Variants in EEPD1 observed in about 807,000 individuals in gnomAD.
EEPD1 encodes the protein endonuclease/exonuclease/phosphatase family domain containing 1.
Under a neutral mutation model 46.3 loss-of-function variants are expected in EEPD1, and 17 were observed. The observed-to-expected ratio is 0.37, with a 90% confidence interval of 0.25 to 0.55. The LOEUF is 0.55. Ranked by LOEUF, EEPD1 falls within the 20% of genes least tolerant of loss-of-function variation. The pLI, the probability that EEPD1 is intolerant of heterozygous loss-of-function variation, is 0.83. For missense variants in EEPD1, 673 were observed against 745.6 expected, an observed-to-expected ratio of 0.90 and a Z score of 1.13; for synonymous variants, 313 against 315.6, an observed-to-expected ratio of 0.99 and a Z score of 0.09.
At chr7:36,199,781 G>T (rs2115700242) in intron 2 of EEPD1, among the ~76,000 whole-genome samples, 2 of 152,204 alleles carry the variant, frequency 1.3e-5, no homozygotes, top group East Asian at 3.9e-4. Flanking sequence ...GGGAGGTGGG[G>T]AGTGCTTCCC....
intron 2 of EEPD1, among the ~76,000 whole-genome samples, chr7:36,171,442 A>C (rs967902911): frequency 2.6e-5 from 4 of 152,244 alleles, no homozygotes; most frequent in African/African-American, 9.6e-5. Context: ...CTCCAGCAGT[A>C]AGTCAGACTT....
At chr7:36,173,604 C>T (rs1785127547) in intron 2 of EEPD1, among the ~76,000 whole-genome samples, 1 of 152,160 alleles carries the variant, frequency 6.6e-6, no homozygotes, top group Admixed American at 6.5e-5. Context: ...TTTCCTGAGG[C>T]CTCCCCAGCC....
At chr7:36,163,920 G>C (rs973217055) in intron 2 of EEPD1, among the ~76,000 whole-genome samples, 5 of 150,554 alleles carry the variant, frequency 3.3e-5, no homozygotes, top group Admixed American at 6.6e-5. Context: ...GTTCAGTAAT[G>C]CTTCTCAGAG....
intron 4 of EEPD1, among the ~76,000 whole-genome samples, chr7:36,284,391 A>T (rs1472390852): frequency 1.3e-5 from 2 of 152,184 alleles, no homozygotes; most frequent in Non-Finnish European, 2.9e-5. Flanking sequence ...GGATGTGATG[A>T]TTCTGAAGAT....
chr7:36,169,552 A>G (rs766393982), intron 2 of EEPD1, among the ~76,000 whole-genome samples: 50 of 152,312 alleles, frequency 3.3e-4, no homozygotes, highest in Non-Finnish European at 6.0e-4. Context: ...ATGTCTATTC[A>G]GATCTGTGTG....
chr7:36,293,947 G>C (rs1787485442), intron 6 of EEPD1, among the ~76,000 whole-genome samples: 1 of 151,222 alleles, frequency 6.6e-6, no homozygotes, highest in Non-Finnish European at 1.5e-5. Context: ...CTGGGCGACA[G>C]AGTGAGACTC....
intron 2 of EEPD1, among the ~76,000 whole-genome samples, chr7:36,227,050 T>C (rs912921124): frequency 1.1e-4 from 16 of 151,676 alleles, no homozygotes; most frequent in African/African-American, 3.9e-4. Context: ...TGAGAAAAAA[T>C]ATCTACCCAT....
At position 36,295,200 on chromosome 7, in the gene EEPD1, G is replaced by A. The variant is rs148579913; in HGVS notation, c.1316-1793G>A. Among the ~76,000 whole-genome samples the A allele has an allele frequency of 4.6e-5, 7 of 151,488 alleles. No individual in the cohort carries two copies. In the East Asian group the frequency reaches 1.4e-3, roughly 29 times the overall value. On this transcript the variant is annotated intron_variant, in intron 6 of 7. Coordinates refer to ENST00000242108, the MANE Select transcript of EEPD1 (RefSeq NM_030636.3). ...TCAAAAAGAAAAAAAGAAAAAATAT[G>A]TATATACAGCATGATCTTGGAGCAT...
At chr7:36,212,985 T>C (rs1029582717) in intron 2 of EEPD1, among the ~76,000 whole-genome samples, 4 of 152,072 alleles carry the variant, frequency 2.6e-5, no homozygotes, top group Non-Finnish European at 5.9e-5. Flanking sequence ...AAACCCTGTC[T>C]CTACTAAAAA....
intron 2 of EEPD1, 147 bp from the exon 3 acceptor site, chr7:36,238,838 A>G: frequency 1.5e-6 from 1 of 670,836 alleles, no homozygotes; most frequent in Non-Finnish European, 2.4e-6. Context: ...GGTCATTTTG[A>G]TTTAAATAAA....
intron 2 of EEPD1, among the ~76,000 whole-genome samples, chr7:36,205,359 T>C (rs1014619111): frequency 6.6e-6 from 1 of 152,228 alleles, no homozygotes; most frequent in Admixed American, 6.5e-5. Flanking sequence ...AGACAAACAA[T>C]GTAAGGAAAC....
In EEPD1 at chr7:36,154,367, CCCTCGGA is replaced by C; in HGVS notation, c.47_53del (p.Ser16CysfsTer17). 6.2e-7 allele frequency: 1 copy of C among 1,613,392 alleles called. No homozygotes were observed. ...CTGCCACCGCTCCATCCCCAGGGAC[CCCTCGGA>C]CCTGTCCCATAGCCGCAAGTTCAGC... On this transcript the variant is annotated frameshift_variant, in exon 2 of 8. Transcript: ENST00000242108. LOFTEE classifies it high-confidence loss of function. The surrounding 1 kb of genome is among the most constrained non-coding windows in gnomAD (Gnocchi z 4.2).
At chr7:36,266,006 C>T (rs918418233) in intron 3 of EEPD1, among the ~76,000 whole-genome samples, 1 of 152,164 alleles carries the variant, frequency 6.6e-6, no homozygotes, top group Non-Finnish European at 1.5e-5. Context: ...TCCTTACTGG[C>T]ATGCATCTCA....
chr7:36,164,116 C>T (rs1784944001), intron 2 of EEPD1, among the ~76,000 whole-genome samples: 1 of 152,204 alleles, frequency 6.6e-6, no homozygotes, highest in Non-Finnish European at 1.5e-5. Context: ...AGGATATTTG[C>T]AAAGCAAACT....
rs1336907455 is a variant in EEPD1, at chr7:36,299,107, G to A, written c.1611G>A (p.Glu537=). The part of the protein sequence containing the change: ...VASEHCPVLA[E]FYTEKDWSKK... ...CTGAACACTGCCCAGTGCTAGCCGA[G>A]TTCTACACTGAAAAGGACTGGAGCA... The change falls in exon 8 of 8, where the codon GAG becomes GAA. Residue 537 remains glutamate, a synonymous_variant. Coordinates refer to ENST00000242108, the MANE Select transcript of EEPD1 (RefSeq NM_030636.3). The A allele has an allele frequency of 3.7e-6, 6 of 1,611,542 alleles. No individual in the cohort carries two copies. The highest frequency in any genetic ancestry group is 1.1e-5 in the South Asian group (1 of 90,976).
chr7:36,279,220 GTGC>G (rs1439863082), intron 3 of EEPD1, among the ~76,000 whole-genome samples: 2 of 152,140 alleles, frequency 1.3e-5, no homozygotes, highest in African/African-American at 4.8e-5. Context: ...GCATCACTGG[GTGC>G]TGTGCTCTGT....
At chr7:36,221,845 C>T (rs749727235) in intron 2 of EEPD1, among the ~76,000 whole-genome samples, 1 of 152,096 alleles carries the variant, frequency 6.6e-6, no homozygotes, top group African/African-American at 2.4e-5. Context: ...AGTCATTATC[C>T]TGATTTTACA....
rs535166233 is a variant in EEPD1, at chr7:36,173,253, C to T, written c.878+18051C>T. Among the ~76,000 whole-genome samples, 3 of 148,132 alleles carry T rather than the reference C, an allele frequency of 2.0e-5. No individual in the cohort carries two copies. In the South Asian group the frequency reaches 6.4e-4, roughly 32 times the overall value. On this transcript the variant is annotated intron_variant, in intron 2 of 7. Coordinates refer to ENST00000242108, the MANE Select transcript of EEPD1 (RefSeq NM_030636.3). Reference sequence around the variant, plus strand: ...GTTTGGCTCCCAGCACTTTGGGAGGCCAAGGGGGGCGGATCACGAGGTCAG... The same window carrying T: ...GTTTGGCTCCCAGCACTTTGGGAGGTCAAGGGGGGCGGATCACGAGGTCAG...
At chr7:36,228,336 T>C (rs1786262982) in intron 2 of EEPD1, among the ~76,000 whole-genome samples, 1 of 152,150 alleles carries the variant, frequency 6.6e-6, no homozygotes, top group Admixed American at 6.5e-5. Context: ...GAGACCAGTC[T>C]GGCCAACATG....
Sources: allele counts gnomAD v4.1 joint callset (sites outside exome capture counted in the v4.1 genomes callset), GRCh38; gene constraint gnomAD v4.1.1; non-coding constraint Gnocchi (gnomAD v3.1); transcripts MANE v1.5; gene names NCBI Gene and HGNC (gene_info 2026-07-23, HGNC 2026-07-21).